KLF13: variants seen among roughly 807,000 people sequenced by gnomAD.
The protein encoded by KLF13 is Krueppel-like factor 13.
In KLF13, 8 loss-of-function variants were observed where a neutral mutation model predicts 16.7. The ratio of observed to expected loss-of-function variants is 0.48; its 90% confidence interval spans 0.28 to 0.87. The LOEUF (loss-of-function observed/expected upper bound fraction) is 0.87. KLF13 is among the 40% of genes least tolerant of loss of function. The pLI is 0.10. For missense variants in KLF13, 447 were observed against 452.2 expected, an observed-to-expected ratio of 0.99 and a Z score of 0.10; for synonymous variants, 245 against 208.4, an observed-to-expected ratio of 1.18 and a Z score of -1.51.
At chr15:31,431,639 T>G (rs1305533543) in intron 1 of KLF13, among the ~76,000 whole-genome samples, 3 of 152,168 alleles carry the variant, frequency 2.0e-5, no homozygotes, top group Non-Finnish European at 2.9e-5. Context: ...TAATTTTTTG[T>G]ATTTTTAGTA....
intron 1 of KLF13, among the ~76,000 whole-genome samples, chr15:31,424,252 T>C (rs1257829143): frequency 2.0e-5 from 3 of 152,104 alleles, no homozygotes; most frequent in Admixed American, 6.5e-5. Flanking sequence ...ATTCCAAAAT[T>C]AGACAAAGAT....
chr15:31,349,513 T>G (rs1475814296), intron 1 of KLF13, among the ~76,000 whole-genome samples: 1 of 152,128 alleles, frequency 6.6e-6, no homozygotes, highest in Non-Finnish European at 1.5e-5. Flanking sequence ...TTAACATGAG[T>G]CTCTGGGACC....
At chr15:31,345,125 A>G (rs2039091084) in intron 1 of KLF13, among the ~76,000 whole-genome samples, 1 of 152,200 alleles carries the variant, frequency 6.6e-6, no homozygotes, top group African/African-American at 2.4e-5. Flanking sequence ...AGGGCTGGGC[A>G]GGAGGAGGCA....
intron 1 of KLF13, among the ~76,000 whole-genome samples, chr15:31,351,730 C>T (rs1202824593): frequency 6.6e-6 from 1 of 152,120 alleles, no homozygotes; most frequent in African/African-American, 2.4e-5. Context: ...GGGTTTTGCA[C>T]ACCGGGCGCG....
intron 1 of KLF13, among the ~76,000 whole-genome samples, chr15:31,386,207 A>T (rs2039794570): frequency 6.6e-6 from 1 of 152,220 alleles, no homozygotes; most frequent in Admixed American, 6.5e-5. Flanking sequence ...TTAAAGAAAG[A>T]AAGTATTAGG....
chr15:31,370,425 C>CTTTTTTTT (rs58293460), intron 1 of KLF13, among the ~76,000 whole-genome samples: 38 of 145,178 alleles, frequency 2.6e-4, no homozygotes, highest in African/African-American at 9.3e-4. Flanking sequence ...GTTGTTTTTG[C>CTTTTTTTT]TTTTTTTTTT....
chr15:31,430,607 C>A (rs2040460463), intron 1 of KLF13, among the ~76,000 whole-genome samples: 1 of 152,154 alleles, frequency 6.6e-6, no homozygotes, highest in Non-Finnish European at 1.5e-5. Context: ...GTGGCCTAAC[C>A]ACCTCTCCTT....
chr15:31,434,474 C>A (rs550113039), intron 1 of KLF13, among the ~76,000 whole-genome samples: 1 of 152,154 alleles, frequency 6.6e-6, no homozygotes, highest in African/African-American at 2.4e-5. Flanking sequence ...CCCAGTTGAG[C>A]CAGAGTTGGG....
At chr15:31,350,874 G>C (rs1166670344) in intron 1 of KLF13, among the ~76,000 whole-genome samples, 2 of 152,254 alleles carry the variant, frequency 1.3e-5, no homozygotes, top group Non-Finnish European at 2.9e-5. Flanking sequence ...GGCGCCTTCT[G>C]GGCAGCAGCA....
chr15:31,371,789 A>T (rs928894394), intron 1 of KLF13, among the ~76,000 whole-genome samples: 8 of 152,168 alleles, frequency 5.3e-5, no homozygotes, highest in Non-Finnish European at 1.2e-4. Flanking sequence ...ATGCTGTTTT[A>T]TCCTAGGCCG....
intron 1 of KLF13, among the ~76,000 whole-genome samples, chr15:31,410,140 C>G (rs1474807059): frequency 1.3e-5 from 2 of 151,874 alleles, no homozygotes; most frequent in African/African-American, 4.8e-5. Flanking sequence ...CAATAAGCTC[C>G]TTATACTACA....
rs1197785822 is a variant in KLF13 at position 31,420,458 on chromosome 15, G to A, written n.118-14912G>A. 8 of 808,776 alleles carry A rather than the reference G, an allele frequency of 9.9e-6. No individual in the cohort carries two copies. The East Asian group carries it at 2.3e-4, about 23-fold the overall frequency. The allele number at this position is 808,776 out of a possible 1,614,324, so 50.1% of individuals were successfully genotyped here. A position where few individuals can be genotyped will look rare whatever the true frequency, so the allele number is the denominator to read the frequency against. On this transcript the variant is annotated intron_variant and non_coding_transcript_variant, in intron 1 of 1. Transcript: ENST00000558225. Reference sequence around the variant, plus strand: ...CTACCACCCCAACATAGACACCCAGGGTAACATATGCCTGGATATCTGGAA... The same window carrying A: ...CTACCACCCCAACATAGACACCCAGAGTAACATATGCCTGGATATCTGGAA...
chr15:31,364,736 ACT>A (rs958692204), intron 1 of KLF13, among the ~76,000 whole-genome samples: 5 of 151,914 alleles, frequency 3.3e-5, no homozygotes, highest in African/African-American at 1.2e-4. Context: ...ATGACAGCTC[ACT>A]CTCTCCTCCT....
upstream of KLF13, among the ~76,000 whole-genome samples, chr15:31,390,889 C>T (rs893732269): frequency 1.2e-4 from 18 of 151,826 alleles, no homozygotes; most frequent in African/African-American, 4.8e-5. Flanking sequence ...AAATCTCATT[C>T]ATCCCCTAAG....
Position 31,424,918 on chromosome 15 carries a change from C to T in KLF13, n.118-10452C>T, listed in dbSNP as rs530669535. Among the ~76,000 whole-genome samples, 73 of 118,764 alleles carry T rather than the reference C, an allele frequency of 6.1e-4. 1 individual carries two copies. Among genetic ancestry groups the T allele is most frequent in the Non-Finnish European group, 4.7e-4 (25 of 52,866 alleles). The allele number at this position is 118,764 out of a possible 152,430, so 77.9% of individuals were successfully genotyped here. A position where few individuals can be genotyped will look rare whatever the true frequency, so the allele number is the denominator to read the frequency against. ...ACACACACACACAAAGCTCTTAGAA[C>T]TAAAGAACAAATTTAGCAAAGTTGC... On this transcript the variant is annotated intron_variant and non_coding_transcript_variant, in intron 1 of 1. Transcript: ENST00000558225.
At chr15:31,360,918 G>C (rs895015630) in intron 1 of KLF13, among the ~76,000 whole-genome samples, 1 of 152,174 alleles carries the variant, frequency 6.6e-6, no homozygotes, top group Non-Finnish European at 1.5e-5. Flanking sequence ...CAGGTGGCAG[G>C]TGCTGGGCCT....
chr15:31,361,265 C>A (rs2039379920), intron 1 of KLF13, among the ~76,000 whole-genome samples: 1 of 152,186 alleles, frequency 6.6e-6, no homozygotes, highest in Non-Finnish European at 1.5e-5. Context: ...GTTCCTGTTC[C>A]ATGCTGGGGA....
rs563037079 is a variant in KLF13 at position 31,340,964 on chromosome 15, G to A, written c.577+13175G>A. 4.6e-5 allele frequency among the ~76,000 whole-genome samples: 7 copies of A among 152,294 alleles called. No individual in the cohort carries two copies. In the South Asian group the frequency reaches 8.3e-4, roughly 18 times the overall value. On this transcript the variant is annotated intron_variant, in intron 1 of 1. Coordinates refer to ENST00000307145, the MANE Select transcript of KLF13 (RefSeq NM_015995.4). ...ACATGAGCACACTTGGGAGTTTCACGGGAGACCCAGCGCCCCTGTGCCCTG... is the reference window on the plus strand; with the variant it reads ...ACATGAGCACACTTGGGAGTTTCACAGGAGACCCAGCGCCCCTGTGCCCTG...
chr15:31,397,638 T>C (rs2039972350), intron 2 of KLF13, among the ~76,000 whole-genome samples: 1 of 152,220 alleles, frequency 6.6e-6, no homozygotes, highest in Non-Finnish European at 1.5e-5. Context: ...AGTTTCCCCA[T>C]CTATAAAATG....
Sources: allele counts gnomAD v4.1 joint callset (sites outside exome capture counted in the v4.1 genomes callset), GRCh38; gene constraint gnomAD v4.1.1; transcripts MANE v1.5; gene names NCBI Gene and HGNC (gene_info 2026-07-23, HGNC 2026-07-21).